Variants in CDH26 observed in about 807,000 individuals in gnomAD.
The protein encoded by CDH26 is cadherin 26, also known as cadherin-like protein 26.
In CDH26, 83 loss-of-function variants were observed where a neutral mutation model predicts 90.3. The ratio of observed to expected loss-of-function variants is 0.92; its 90% CI spans 0.77 to 1.10. CDH26 has a LOEUF of 1.10. Among genes scored for constraint, CDH26 ranks in the 50% least tolerant of loss-of-function variants. CDH26 has a pLI of 0.00. For missense variants in CDH26, 1,013 were observed against 1,037.6 expected (o/e 0.98, Z 0.33); for synonymous variants, 397 against 396.3 (o/e 1.00, Z -0.02).
At chr20:60,021,897 C>CACACACACACACACACACACATATAT (rs1295572684) in intron 7 of CDH26, among the ~76,000 whole-genome samples, 1 of 78,938 alleles carries the variant, frequency 1.3e-5, no homozygotes, top group Non-Finnish European at 3.0e-5. Flanking sequence ...CACACACACA[C>CACACACACACACACACACACATATAT]ATATATATAT....
chr20:60,022,689 G>C lies in CDH26; in HGVS notation c.948-8542G>C, dbSNP rs577998691. Among the ~76,000 whole-genome samples, 3 of 152,316 alleles carry C rather than the reference G, an allele frequency of 2.0e-5. No individual in the cohort carries two copies. The South Asian group carries it at 6.2e-4, about 32-fold the overall frequency. On this transcript the variant is annotated intron_variant, in intron 7 of 8. Coordinates refer to the CDH26 transcript ENST00000370991. ...TTTCCTCTCATCAGAGAGTTTTTCT[G>C]TGTGGCAGAGACTGCAACCCTTGTC... is the stretch of plus-strand genomic sequence containing the variant.
At chr20:60,007,031 T>C (rs2061763525) in intron 17 of CDH26, among the ~76,000 whole-genome samples, 1 of 152,188 alleles carries the variant, frequency 6.6e-6, no homozygotes, top group Non-Finnish European at 1.5e-5. Context: ...GCTCTCTTGC[T>C]AGCTGGCAGA....
chr20:59,993,835 C>A (rs1459114051), intron 10 of CDH26, among the ~76,000 whole-genome samples: 1 of 152,200 alleles, frequency 6.6e-6, no homozygotes, highest in Non-Finnish European at 1.5e-5. Context: ...CAACACCTTG[C>A]AGGACTACAG....
intron 1 of CDH26, among the ~76,000 whole-genome samples, chr20:59,964,679 G>A (rs1002916515): frequency 6.6e-6 from 1 of 152,156 alleles, no homozygotes; most frequent in African/African-American, 2.4e-5. Flanking sequence ...ACACAACAAT[G>A]TGAAATTTAA....
At chr20:60,018,186 T>A (rs912782728), downstream of CDH26, among the ~76,000 whole-genome samples, 1 of 152,076 alleles carries the variant, frequency 6.6e-6, no homozygotes, top group Non-Finnish European at 1.5e-5. Context: ...ATCTGTCCAG[T>A]GCTGAGAGTG....
At chr20:60,004,413 G>A (rs367910180) in intron 16 of CDH26, among the ~76,000 whole-genome samples, 16 of 152,184 alleles carry the variant, frequency 1.1e-4, no homozygotes, top group Admixed American at 3.9e-4. Flanking sequence ...CTACAAACCC[G>A]TACAGCATGT....
At chr20:60,029,366 G>A (rs899907347) in intron 7 of CDH26, among the ~76,000 whole-genome samples, 6 of 151,488 alleles carry the variant, frequency 4.0e-5, no homozygotes, top group East Asian at 1.9e-4. Context: ...AGTCAACAAC[G>A]TAGCATCTAT....
chr20:59,985,773 A>AT (rs1253268704), intron 7 of CDH26, among the ~76,000 whole-genome samples: 2 of 152,222 alleles, frequency 1.3e-5, no homozygotes. Flanking sequence ...ATGAGCTTAC[A>AT]TTTTTGACTG....
chr20:59,988,702 G>GA (rs2145989918), intron 8 of CDH26, among the ~76,000 whole-genome samples: 1 of 152,038 alleles, frequency 6.6e-6, no homozygotes, highest in Non-Finnish European at 1.5e-5. Flanking sequence ...GAGGAGGAGG[G>GA]AAAAAATAAA....
intron 4 of CDH26, among the ~76,000 whole-genome samples, chr20:59,976,486 C>A (rs1417157707): frequency 6.6e-6 from 1 of 152,142 alleles, no homozygotes; most frequent in Non-Finnish European, 1.5e-5. Flanking sequence ...ATAAAACACA[C>A]AAGTGGTTCT....
At chr20:59,970,798 A>C (rs1458450287) in intron 3 of CDH26, among the ~76,000 whole-genome samples, 1 of 149,584 alleles carries the variant, frequency 6.7e-6, no homozygotes, top group African/African-American at 2.5e-5. Flanking sequence ...CGACAGCGAG[A>C]CTCTGTCTCA....
intron 1 of CDH26, among the ~76,000 whole-genome samples, chr20:59,966,158 A>G (rs763563769): frequency 6.6e-6 from 1 of 150,936 alleles, no homozygotes; most frequent in Non-Finnish European, 1.5e-5. Flanking sequence ...TCATCAAGGA[A>G]CCGTATATCA....
chr20:60,033,777 G>A (rs971406683), exon 9 of CDH26: 1 of 1,022,176 alleles, frequency 9.8e-7, no homozygotes. Context: ...GACAAGATGT[G>A]TGTGTGTGTG....
At chr20:60,000,866 A>C (rs1440678102) in intron 14 of CDH26, among the ~76,000 whole-genome samples, 2 of 152,230 alleles carry the variant, frequency 1.3e-5, no homozygotes, top group Admixed American at 1.3e-4. Context: ...TCTGCTGGAT[A>C]GTGTGAAATA....
At chr20:60,008,691 G>A (rs2146018386) in intron 17 of CDH26, among the ~76,000 whole-genome samples, 1 of 152,280 alleles carries the variant, frequency 6.6e-6, no homozygotes, top group Admixed American at 6.5e-5. Flanking sequence ...TCACTGTCTG[G>A]GGTTTCCCCA....
chr20:60,026,797 T>C (rs1439752638), intron 7 of CDH26, among the ~76,000 whole-genome samples: 3 of 152,226 alleles, frequency 2.0e-5, no homozygotes, highest in African/African-American at 4.8e-5. Context: ...CCCTGTAGGG[T>C]AAATTTATGC....
At chr20:59,983,909 T>C (rs1030984630) in intron 5 of CDH26, among the ~76,000 whole-genome samples, 28 of 152,250 alleles carry the variant, frequency 1.8e-4, no homozygotes, top group Non-Finnish European at 2.6e-4. Flanking sequence ...TAATATTTTA[T>C]GGATGTGCTT....
chr20:60,012,859 C>A lies in CDH26; in HGVS notation c.*129C>A. ...ACCTTCTAGTCCTAGGATGAGGACA[C>A]ACTATTAGTTTGAATTAAATGCTTT... On this transcript the variant is annotated 3_prime_UTR_variant, in exon 18 of 18. Transcript: ENST00000348616. The A allele has an allele frequency of 1.3e-6, 1 of 786,842 alleles. No homozygotes were observed. The highest frequency in any genetic ancestry group is 2.0e-6 in the Non-Finnish European group (1 of 501,366). 48.7% of individuals were successfully genotyped at this position (786,842 alleles called of 1,614,324 possible). A position where few individuals can be genotyped will look rare whatever the true frequency, so the allele number is the denominator to read the frequency against.
At chr20:59,965,288 C>T (rs182291155) in intron 1 of CDH26, among the ~76,000 whole-genome samples, 5 of 152,250 alleles carry the variant, frequency 3.3e-5, no homozygotes, top group East Asian at 1.9e-4. Context: ...GATTCTGACG[C>T]GGACGAGCCA....
Sources: gnomAD v4.1 joint callset for allele counts (sites outside exome capture counted in the v4.1 genomes callset) on GRCh38, gnomAD v4.1.1 for gene constraint, MANE v1.5 for transcripts, NCBI Gene and HGNC (gene_info 2026-07-23, HGNC 2026-07-21) for gene names.